The following BRIP1 variants were observed in gnomAD, a reference collection of about 807,000 sequenced individuals.
BRIP1 encodes BRCA1 interacting DNA helicase 1, also known as Fanconi anemia group J protein.
Under a neutral mutation model 119.7 loss-of-function variants are expected in BRIP1, and 88 were observed. The ratio of observed to expected loss-of-function variants is 0.74; its 90% CI spans 0.62 to 0.88. The LOEUF is 0.88. BRIP1 is among the 40% of genes least tolerant of loss of function. BRIP1 has a pLI of 0.00. For synonymous variants in BRIP1, 443 were observed against 496.5 expected, an observed-to-expected ratio of 0.89 and a Z score of 1.43; for missense variants, 1,259 against 1,455.4, an observed-to-expected ratio of 0.87 and a Z score of 2.20.
Position 61,738,344 on chromosome 17 carries a change from A to G in BRIP1, c.2379+4669T>C, listed in dbSNP as rs2076945796. 6.6e-6 allele frequency among the ~76,000 whole-genome samples: 1 copy of G among 152,210 alleles called. No homozygotes were observed. Among genetic ancestry groups the G allele is most frequent in the South Asian group, 2.1e-4 (1 of 4,832 alleles). ...CCAGTACATCTAGTAGTGCTGGTAA[A>G]TAATTTCACTTTTTCTATCCCTTGT... On this transcript the variant is annotated intron_variant, in intron 16 of 19. Transcript: ENST00000259008. This position sits in a 1 kb window ranked among gnomAD's most constrained non-coding sequence, Gnocchi z 4.2.
chr17:61,797,297 G>C (rs1233654462), intron 9 of BRIP1, among the ~76,000 whole-genome samples: 1 of 151,476 alleles, frequency 6.6e-6, no homozygotes, highest in Non-Finnish European at 1.5e-5. Context: ...ATTATCAAAA[G>C]AAATGATAAA....
rs2145440033 is a variant in BRIP1 at position 61,810,639 on chromosome 17, G to T, written c.628-1882C>A. Among the ~76,000 whole-genome samples the T allele has an allele frequency of 6.6e-6, 1 of 152,174 alleles. No homozygotes were observed. The highest frequency in any genetic ancestry group is 1.9e-4 in the East Asian group (1 of 5,180). ...AATAAAGTAGCTTTTTCTCAAGGCT[G>T]GGAAAACTTACTTTTTGATGTTACA... On this transcript the variant is annotated intron_variant, in intron 6 of 19. Coordinates refer to ENST00000259008, the MANE Select transcript of BRIP1 (RefSeq NM_032043.3). This position sits in a 1 kb window ranked among gnomAD's most constrained non-coding sequence, Gnocchi z 4.7.
rs907428912 is a variant in BRIP1 at position 61,849,334 on chromosome 17, G to C, written c.380-78C>G. On this transcript the variant is annotated intron_variant, in intron 4 of 19. Transcript: ENST00000259008. ...TTTTCTAGAAGAAAACTGGAACCAGGATGTAAGGCTTATTTCTAGAAATTT... is the reference window on the plus strand; with the variant it reads ...TTTTCTAGAAGAAAACTGGAACCAGCATGTAAGGCTTATTTCTAGAAATTT... 2.2e-5 allele frequency: 27 copies of C among 1,218,742 alleles called. No homozygotes were observed. In the African/African-American group the frequency reaches 2.8e-4, roughly 12 times the overall value. The allele number at this position is 1,218,742 out of a possible 1,614,324, so 75.5% of individuals were successfully genotyped here. A position where few individuals can be genotyped will look rare whatever the true frequency, so the allele number is the denominator to read the frequency against.
rs553208593 is a variant in BRIP1 at position 61,832,998 on chromosome 17, G to A, written c.627+14103C>T. 2.2e-4 allele frequency among the ~76,000 whole-genome samples: 34 copies of A among 152,266 alleles called. No individual in the cohort carries two copies. Among genetic ancestry groups the A allele is most frequent in the African/African-American group, 7.9e-4 (33 of 41,560 alleles). On this transcript the variant is annotated intron_variant, in intron 6 of 19. Coordinates refer to ENST00000259008, the MANE Select transcript of BRIP1 (RefSeq NM_032043.3). This position sits in a 1 kb window ranked among gnomAD's most constrained non-coding sequence, Gnocchi z 5.5. ...GTACTTCCAATTTCTCTATAATTTTGTGACAGCCAAACTTTTAAAAAGCTA... is the reference window on the plus strand; with the variant it reads ...GTACTTCCAATTTCTCTATAATTTTATGACAGCCAAACTTTTAAAAAGCTA...
At chr17:61,719,197 C>T (rs1299737646) in intron 16 of BRIP1, among the ~76,000 whole-genome samples, 1 of 139,918 alleles carries the variant, frequency 7.1e-6, no homozygotes, top group Non-Finnish European at 1.5e-5. Flanking sequence ...ATGTTTATTG[C>T]AGCACTATTC....
In BRIP1 at chr17:61,842,005, T is replaced by G. The variant is rs891020297; in HGVS notation, c.627+5096A>C. On this transcript the variant is annotated intron_variant, in intron 6 of 19. Transcript: ENST00000259008. The surrounding 1 kb of genome is among the most constrained non-coding windows in gnomAD (Gnocchi z 5.1). ...CAACACCATGTTTATTGCAGCGCTATTCATAATAGACAAGGAGTTGGCATC... is the reference window on the plus strand; with the variant it reads ...CAACACCATGTTTATTGCAGCGCTAGTCATAATAGACAAGGAGTTGGCATC... Among the ~76,000 whole-genome samples the G allele has an allele frequency of 1.6e-4, 25 of 152,164 alleles. 1 individual carries two copies. Among genetic ancestry groups the G allele is most frequent in the Admixed American group, 1.6e-3 (24 of 15,276 alleles).
At position 61,744,518 on chromosome 17, in the gene BRIP1, A is replaced by G. The variant is rs1312043643; in HGVS notation, c.2171T>C (p.Ile724Thr). 1 of 1,613,864 alleles carries G rather than the reference A, an allele frequency of 6.2e-7. No homozygotes were observed. The highest frequency in any genetic ancestry group is 1.1e-5 in the South Asian group (1 of 91,088). Residue 724 changes from isoleucine to threonine, a missense_variant, in exon 15 of 20, where the codon ATT becomes ACT. Transcript: ENST00000259008. This position sits in a 1 kb window ranked among gnomAD's most constrained non-coding sequence, Gnocchi z 5.0. Reference sequence around the variant, plus strand: ...TTTTTCTCCTCCCTGTGGTTCTACAATGACTGTCTTCACCAACTCCAGATT... The same window carrying G: ...TTTTTCTCCTCCCTGTGGTTCTACAGTGACTGTCTTCACCAACTCCAGATT... ...WHNLELVKTV[I>T]VEPQGGEKTN...
At position 61,686,241 on chromosome 17, in the gene BRIP1, G is replaced by T; in HGVS notation, c.2576-76C>A. The T allele has an allele frequency of 7.6e-7, 1 of 1,316,060 alleles. No individual in the cohort carries two copies. Among genetic ancestry groups the T allele is most frequent in the Non-Finnish European group, 1.1e-6 (1 of 914,034 alleles). The allele number at this position is 1,316,060 out of a possible 1,614,324, so 81.5% of individuals were successfully genotyped here. On this transcript the variant is annotated intron_variant, in intron 18 of 19. Transcript: ENST00000259008. This position sits in a 1 kb window ranked among gnomAD's most constrained non-coding sequence, Gnocchi z 5.4. ...TATTACATGCTAAGGTAATACACTT[G>T]CTTTTTCTAGTGAAGTAACCTAATT... is the stretch of plus-strand genomic sequence containing the variant.
Position 61,799,698 on chromosome 17 carries a change from T to TA in BRIP1, c.1141-400dup, listed in dbSNP as rs1262580960. On this transcript the variant is annotated intron_variant, in intron 8 of 19. Transcript: ENST00000259008. This position sits in a 1 kb window ranked among gnomAD's most constrained non-coding sequence, Gnocchi z 5.1. The stretch of plus-strand genomic sequence containing the variant: ...TATAAGATTAAAAGCATAAGACCTT[T>TA]AAAAGTAAAATAACAATACAAGATT... 6.6e-6 allele frequency among the ~76,000 whole-genome samples: 1 copy of TA among 152,092 alleles called. No homozygotes were observed. Among genetic ancestry groups the TA allele is most frequent in the Non-Finnish European group, 1.5e-5 (1 of 67,990 alleles).
intron 14 of BRIP1, among the ~76,000 whole-genome samples, chr17:61,772,187 AT>A: frequency 1.5e-5 from 2 of 130,064 alleles, no homozygotes; most frequent in Admixed American, 7.6e-5. Flanking sequence ...ATATATATAT[AT>A]ATATATATAT....
chr17:61,858,145 A>G (rs1314121235), intron 3 of BRIP1, among the ~76,000 whole-genome samples: 1 of 152,172 alleles, frequency 6.6e-6, no homozygotes. Flanking sequence ...GTGTGCCTAC[A>G]TTGTATACAA....
At chr17:61,765,400 TA>T (rs2077347157) in intron 14 of BRIP1, among the ~76,000 whole-genome samples, 1 of 14,414 alleles carries the variant, frequency 6.9e-5, no homozygotes, top group East Asian at 1.4e-3. Context: ...TATATATATA[TA>T]TATATATATA....
At position 61,742,863 on chromosome 17, in the gene BRIP1, G is replaced by T; in HGVS notation, c.2379+150C>A. ...TGCTGTTGGAAAAATGGTGCTGAAA[G>T]ACTTGCACAATGCAGGGTTACCATA... is the stretch of plus-strand genomic sequence containing the variant. On this transcript the variant is annotated intron_variant, in intron 16 of 19. Coordinates refer to ENST00000259008, the MANE Select transcript of BRIP1 (RefSeq NM_032043.3). This position sits in a 1 kb window ranked among gnomAD's most constrained non-coding sequence, Gnocchi z 4.7. 1.0e-6 allele frequency: 1 copy of T among 961,520 alleles called. No individual in the cohort carries two copies. Among genetic ancestry groups the T allele is most frequent in the Non-Finnish European group, 1.6e-6 (1 of 635,296 alleles). The allele number at this position is 961,520 out of a possible 1,614,324, so 59.6% of individuals were successfully genotyped here.
In BRIP1 at chr17:61,846,973, C is replaced by T; in HGVS notation, c.627+128G>A. 9.7e-7 allele frequency: 1 copy of T among 1,035,228 alleles called. No individual in the cohort carries two copies. The highest frequency in any genetic ancestry group is 1.4e-5 in the South Asian group (1 of 72,576). The allele number at this position is 1,035,228 out of a possible 1,614,324, so 64.1% of individuals were successfully genotyped here. On this transcript the variant is annotated intron_variant, in intron 6 of 19. Coordinates refer to ENST00000259008, the MANE Select transcript of BRIP1 (RefSeq NM_032043.3). The surrounding 1 kb of genome is among the most constrained non-coding windows in gnomAD (Gnocchi z 4.3). ...CACATTAGTAACAGAGATGTGACAG[C>T]ATTGAGGACTTCTGAGTGGGTTGCT...
At chr17:61,727,306 C>A (rs969993492) in intron 16 of BRIP1, among the ~76,000 whole-genome samples, 1 of 152,020 alleles carries the variant, frequency 6.6e-6, no homozygotes, top group Non-Finnish European at 1.5e-5. Context: ...TATGATTAAA[C>A]CCTAACATCT....
intron 10 of BRIP1, among the ~76,000 whole-genome samples, chr17:61,787,029 AATAAATTTAT>A (rs1323358273): frequency 1.3e-4 from 15 of 116,866 alleles, no homozygotes; most frequent in East Asian, 4.9e-4. Flanking sequence ...TTTATTTATA[AATAAATTTAT>A]ATAAATTTAT....
Position 61,789,869 on chromosome 17 carries a change from C to T in BRIP1, c.1473+3728G>A, listed in dbSNP as rs576797587. 3.5e-3 allele frequency among the ~76,000 whole-genome samples: 525 copies of T among 152,162 alleles called. 1 individual carries two copies. Among genetic ancestry groups the T allele is most frequent in the African/African-American group, 0.012 (488 of 41,522 alleles). ...AAATCACAATGTTCACAATGTTCAT[C>T]TTTGAGTTTATGAGTCATTTTTCTT... On this transcript the variant is annotated intron_variant, in intron 10 of 19. Transcript: ENST00000259008. This position sits in a 1 kb window ranked among gnomAD's most constrained non-coding sequence, Gnocchi z 4.8.
chr17:61,782,632 A>G (rs577848107), intron 11 of BRIP1, among the ~76,000 whole-genome samples: 5 of 152,262 alleles, frequency 3.3e-5, no homozygotes, highest in South Asian at 2.1e-4. Flanking sequence ...TGACATCCAG[A>G]ATATCTAAAT....
chr17:61,805,046 G>GTA lies in BRIP1; in HGVS notation c.918+3419_918+3420dup, dbSNP rs1048046768. 4.7e-5 allele frequency among the ~76,000 whole-genome samples: 7 copies of GTA among 149,520 alleles called. No homozygotes were observed. Among genetic ancestry groups the GTA allele is most frequent in the Middle Eastern group, 3.5e-3 (1 of 288 alleles). On this transcript the variant is annotated intron_variant, in intron 7 of 19. Coordinates refer to ENST00000259008, the MANE Select transcript of BRIP1 (RefSeq NM_032043.3). The surrounding 1 kb of genome is among the most constrained non-coding windows in gnomAD (Gnocchi z 5.6). ...ATACGTCTGTATAATAAATTAAATT[G>GTA]TATATATATACACACACATATATAT...
Sources: gnomAD v4.1 joint callset for allele counts (sites outside exome capture counted in the v4.1 genomes callset) on GRCh38, gnomAD v4.1.1 for gene constraint, Gnocchi (gnomAD v3.1) non-coding constraint, MANE v1.5 for transcripts, NCBI Gene and HGNC (gene_info 2026-07-23, HGNC 2026-07-21) for gene names.